The following PTPRM variants were observed in gnomAD, a reference collection of about 807,000 sequenced individuals.
PTPRM encodes protein tyrosine phosphatase receptor type M.
In PTPRM, 47 loss-of-function variants were observed where a neutral mutation model predicts 186.7. That is an observed-to-expected ratio of 0.25 (90% CI 0.20 to 0.32). The LOEUF (loss-of-function observed/expected upper bound fraction) is 0.32, where lower values mean the gene tolerates loss of function less well. Among genes scored for constraint, PTPRM ranks in the 10% least tolerant of loss-of-function variants. The pLI is 1.00. For missense variants in PTPRM, 1,494 were observed against 1,865.0 expected, an observed-to-expected ratio of 0.80 and a Z score of 3.66; for synonymous variants, 668 against 674.9, an observed-to-expected ratio of 0.99 and a Z score of 0.16.
chr18:7,690,082 C>T (rs1405976061), intron 1 of PTPRM, among the ~76,000 whole-genome samples: 1 of 152,168 alleles, frequency 6.6e-6, no homozygotes, highest in Non-Finnish European at 1.5e-5. Flanking sequence ...CTTTTAATAA[C>T]AGCTACAGAA....
intron 5 of PTPRM, among the ~76,000 whole-genome samples, chr18:7,937,871 C>T (rs1052765452): frequency 3.9e-5 from 6 of 152,294 alleles, no homozygotes; most frequent in Admixed American, 6.5e-5. Flanking sequence ...TATTGCTGCT[C>T]ATGTCTTCCC....
chr18:8,148,130 C>T lies in PTPRM; in HGVS notation c.2300+4351C>T, dbSNP rs767592815. 2.5e-3 allele frequency among the ~76,000 whole-genome samples: 379 copies of T among 152,150 alleles called. 5 individuals are homozygous for T. Among genetic ancestry groups the T allele is most frequent in the Non-Finnish European group, 4.4e-3 (298 of 68,000 alleles). On this transcript the variant is annotated intron_variant, in intron 14 of 32. Transcript: ENST00000580170. The stretch of plus-strand genomic sequence containing the variant: ...CTTTTTTTGTTGTTGTTGTCTCTGC[C>T]AGGTTTTGGTATCAGGATGATGTTG...
intron 1 of PTPRM, among the ~76,000 whole-genome samples, chr18:7,569,650 G>A (rs887159474): frequency 2.6e-5 from 4 of 152,198 alleles, no homozygotes; most frequent in African/African-American, 9.6e-5. Context: ...TTGTGTGCAA[G>A]GGAGTGGAAA....
chr18:7,665,769 A>C (rs926209790), intron 1 of PTPRM, among the ~76,000 whole-genome samples: 1 of 152,002 alleles, frequency 6.6e-6, no homozygotes, highest in African/African-American at 2.4e-5. Flanking sequence ...TAAAAATACA[A>C]AAATTAGCTG....
intron 9 of PTPRM, among the ~76,000 whole-genome samples, chr18:8,082,582 T>G (rs1395913271): frequency 6.6e-6 from 1 of 150,866 alleles, no homozygotes; most frequent in African/African-American, 2.4e-5. Context: ...TGTGACAGCT[T>G]TCTCTCCTTT....
At chr18:7,939,029 A>C (rs115294093) in intron 5 of PTPRM, among the ~76,000 whole-genome samples, 3 of 152,170 alleles carry the variant, frequency 2.0e-5, no homozygotes, top group Non-Finnish European at 4.4e-5. Flanking sequence ...CTTATGGGCT[A>C]TATAAAGGTA....
intron 19 of PTPRM, among the ~76,000 whole-genome samples, chr18:8,273,879 A>G (rs2147656309): frequency 6.6e-6 from 1 of 152,258 alleles, no homozygotes; most frequent in Non-Finnish European, 1.5e-5. Context: ...TGGTTTGCCC[A>G]TTTTCCTCTG....
At chr18:8,278,446 G>A (rs558023083) in intron 19 of PTPRM, among the ~76,000 whole-genome samples, 11 of 152,180 alleles carry the variant, frequency 7.2e-5, no homozygotes, top group African/African-American at 2.7e-4. Flanking sequence ...AGAAAGTGAA[G>A]AGGCATTTTG....
intron 7 of PTPRM, among the ~76,000 whole-genome samples, chr18:8,051,235 G>T (rs962312064): frequency 6.6e-6 from 1 of 152,128 alleles, no homozygotes; most frequent in East Asian, 1.9e-4. Flanking sequence ...ATCCAGAAAA[G>T]AAATCTCAAA....
chr18:8,177,863 A>C (rs1167822199), intron 14 of PTPRM, among the ~76,000 whole-genome samples: 1 of 152,116 alleles, frequency 6.6e-6, no homozygotes, highest in Non-Finnish European at 1.5e-5. Flanking sequence ...TTCTCCCCTG[A>C]TTCTTCCCTT....
intron 3 of PTPRM, among the ~76,000 whole-genome samples, chr18:7,899,301 T>A (rs2049534882): frequency 6.6e-6 from 1 of 152,184 alleles, no homozygotes; most frequent in Non-Finnish European, 1.5e-5. Context: ...TAGGAACATG[T>A]GTGTTGAGCA....
chr18:7,925,451 A>T (rs2051116171), intron 4 of PTPRM, among the ~76,000 whole-genome samples: 1 of 152,142 alleles, frequency 6.6e-6, no homozygotes, highest in Admixed American at 6.5e-5. Flanking sequence ...CTGAAGTAGT[A>T]ACTCAACTTC....
At chr18:7,816,985 T>TTTG in intron 2 of PTPRM, among the ~76,000 whole-genome samples, 1 of 151,144 alleles carries the variant, frequency 6.6e-6, no homozygotes, top group African/African-American at 2.4e-5. Flanking sequence ...ATTTTTTTTT[T>TTTG]TTTTTTTGAG....
chr18:7,893,107 TTTG>T (rs1355689372), intron 3 of PTPRM, among the ~76,000 whole-genome samples: 2 of 152,254 alleles, frequency 1.3e-5, no homozygotes, highest in Non-Finnish European at 2.9e-5. Flanking sequence ...TTTTTATTTT[TTTG>T]TTGTTGGGAA....
Position 8,143,669 on chromosome 18 carries a change from C to A in PTPRM, c.2190C>A (p.Val730=). ...ATKGAATPKP[V]PEPEKQTDHT... is the part of the protein sequence containing the mutation. ...CAGGAGCTGCCACTCCGAAACCAGT[C>A]CCAGAACCCGAGAAACAGACAGACC... Residue 730 remains valine (V), a synonymous_variant, in exon 14 of 33, where the codon GTC becomes GTA. Transcript: ENST00000580170. The A allele has an allele frequency of 6.2e-7, 1 of 1,604,762 alleles. No individual in the cohort carries two copies. The highest frequency in any genetic ancestry group is 8.5e-7 in the Non-Finnish European group (1 of 1,171,454).
intron 19 of PTPRM, among the ~76,000 whole-genome samples, chr18:8,267,796 G>T (rs1456015309): frequency 6.6e-6 from 1 of 152,182 alleles, no homozygotes; most frequent in Middle Eastern, 3.4e-3. Context: ...CACTAAAATG[G>T]CTATTAAACT....
At chr18:7,836,344 TAAAC>T (rs1287551496) in intron 2 of PTPRM, among the ~76,000 whole-genome samples, 1 of 152,160 alleles carries the variant, frequency 6.6e-6, no homozygotes, top group Non-Finnish European at 1.5e-5. Context: ...CAACACTGCA[TAAAC>T]AAACAAACCA....
intron 7 of PTPRM, among the ~76,000 whole-genome samples, chr18:7,989,973 G>A (rs965198103): frequency 4.6e-5 from 7 of 151,934 alleles, no homozygotes; most frequent in East Asian, 1.9e-4. Context: ...GCACGATTTC[G>A]GCTCACTGTA....
chr18:8,160,132 T>C (rs2093201794), intron 14 of PTPRM, among the ~76,000 whole-genome samples: 1 of 152,190 alleles, frequency 6.6e-6, no homozygotes, highest in African/African-American at 2.4e-5. Context: ...AAGCCACCTT[T>C]GAAATATTTT....
Sources: allele counts gnomAD v4.1 joint callset (sites outside exome capture counted in the v4.1 genomes callset), GRCh38; gene constraint gnomAD v4.1.1; transcripts MANE v1.5; gene names NCBI Gene and HGNC (gene_info 2026-07-23, HGNC 2026-07-21).